The following ARHGEF11 variants were observed in gnomAD, a reference collection of about 807,000 sequenced individuals.
ARHGEF11 encodes the protein Rho guanine nucleotide exchange factor 11, also known as Rho guanine exchange factor (GEF) 11.
A neutral mutation model predicts 193.7 loss-of-function variants in ARHGEF11; 55 were observed. The ratio of observed to expected loss-of-function variants is 0.28; its 90% confidence interval spans 0.23 to 0.36. The LOEUF (loss-of-function observed/expected upper bound fraction) is 0.36. Among genes scored for constraint, ARHGEF11 ranks in the 10% least tolerant of loss-of-function variants. ARHGEF11 has a pLI of 1.00. For missense variants in ARHGEF11, 1,723 were observed against 2,005.6 expected, an observed-to-expected ratio of 0.86 and a Z score of 2.69; for synonymous variants, 693 against 768.0, an observed-to-expected ratio of 0.90 and a Z score of 1.62.
At chr1:156,969,694 CA>C (rs1662247987) in intron 9 of ARHGEF11, among the ~76,000 whole-genome samples, 1 of 152,234 alleles carries the variant, frequency 6.6e-6, no homozygotes, top group Non-Finnish European at 1.5e-5. Flanking sequence ...TTTCTTCTTA[CA>C]ACAAATATTT....
Position 156,979,362 on chromosome 1 carries a change from T to TTC in ARHGEF11, c.274-77_274-76insGA. 1.9e-5 allele frequency: 3 copies of TTC among 154,782 alleles called. No homozygotes were observed. The Admixed American group carries it at 4.7e-4, about 24-fold the overall frequency. The allele number at this position is 154,782 out of a possible 1,614,324, so 9.6% of individuals were successfully genotyped here. A position where few individuals can be genotyped will look rare whatever the true frequency, so the allele number is the denominator to read the frequency against. ...TCCTTCTGTAAGTTCAAAATGCCAC[T>TTC]TTTTTTTTTTTTTTTTTTTTTGAGA... On this transcript the variant is annotated intron_variant, in intron 4 of 40. Coordinates refer to ENST00000368194, the MANE Select transcript of ARHGEF11 (RefSeq NM_198236.3).
At chr1:157,002,134 T>C (rs1667285042) in intron 1 of ARHGEF11, among the ~76,000 whole-genome samples, 1 of 151,990 alleles carries the variant, frequency 6.6e-6, no homozygotes. Context: ...CCTAGACACA[T>C]ATAATGATTC....
chr1:156,962,643 C>G (rs1029231369), intron 13 of ARHGEF11, among the ~76,000 whole-genome samples: 3 of 151,972 alleles, frequency 2.0e-5, no homozygotes, highest in African/African-American at 4.8e-5. Flanking sequence ...CTTTGGGAGG[C>G]TGAGGTGGGT....
intron 10 of ARHGEF11, 43 bp from the exon 11 acceptor site, chr1:156,968,167 A>G (rs1661976575): frequency 6.3e-7 from 1 of 1,579,878 alleles, no homozygotes; most frequent in Non-Finnish European, 8.6e-7. Context: ...CTTGTCCGGA[A>G]GACCCTCAAG....
At chr1:156,997,798 T>C (rs1419620547) in intron 1 of ARHGEF11, among the ~76,000 whole-genome samples, 3 of 152,092 alleles carry the variant, frequency 2.0e-5, no homozygotes, top group East Asian at 1.9e-4. Context: ...TTAGAGTATT[T>C]TGAATATATT....
intron 7 of ARHGEF11, among the ~76,000 whole-genome samples, chr1:156,976,151 C>G (rs1270274677): frequency 1.3e-5 from 2 of 152,146 alleles, no homozygotes; most frequent in African/African-American, 4.8e-5. Flanking sequence ...TAGCATATAG[C>G]AAGGACTCAG....
intron 31 of ARHGEF11, 27 bp downstream of exon 31, chr1:156,944,331 G>T: frequency 6.2e-7 from 1 of 1,611,994 alleles, no homozygotes; most frequent in Non-Finnish European, 8.5e-7. Context: ...ACAGGTTCCT[G>T]CTCAGTCCCA....
At position 156,985,969 on chromosome 1, in the gene ARHGEF11, A is replaced by C. The variant is rs558004724; in HGVS notation, c.124+113T>G. ...ACCTGACTGGCATAGCACACTACAG[A>C]CCAGAGCTCTTCGGCTCAAGCGATC... is the stretch of plus-strand genomic sequence containing the variant. On this transcript the variant is annotated intron_variant, in intron 2 of 40. Coordinates refer to ENST00000368194, the MANE Select transcript of ARHGEF11 (RefSeq NM_198236.3). 34 of 830,918 alleles carry C rather than the reference A, an allele frequency of 4.1e-5. No individual in the cohort carries two copies. In the South Asian group the frequency reaches 4.9e-4, roughly 12 times the overall value. 51.5% of individuals were successfully genotyped at this position (830,918 alleles called of 1,614,324 possible). A position where few individuals can be genotyped will look rare whatever the true frequency, so the allele number is the denominator to read the frequency against.
Position 157,035,793 on chromosome 1 carries a change from A to AAT in ARHGEF11, c.32+8504_32+8505dup, listed in dbSNP as rs199990098. Among the ~76,000 whole-genome samples, 4 of 124,152 alleles carry AAT rather than the reference A, an allele frequency of 3.2e-5. No homozygotes were observed. The South Asian group carries it at 7.5e-4, about 23-fold the overall frequency. The allele number at this position is 124,152 out of a possible 152,430, so 81.4% of individuals were successfully genotyped here. ...ATATACAGGAATATATATATATAGG[A>AAT]ATATATATACAGGAATATATATATA... On this transcript the variant is annotated intron_variant, in intron 1 of 40. Coordinates refer to ENST00000368194, the MANE Select transcript of ARHGEF11 (RefSeq NM_198236.3).
intron 14 of ARHGEF11, among the ~76,000 whole-genome samples, chr1:156,960,884 T>C (rs1000041297): frequency 4.6e-5 from 7 of 152,200 alleles, no homozygotes; most frequent in Non-Finnish European, 1.0e-4. Context: ...GCAGTTAGCA[T>C]GGTGTTCTGG....
In ARHGEF11 at chr1:156,978,188, C is replaced by T. The variant is rs750262592; in HGVS notation, c.510+16G>A. ...AGGACATTAGGGTGAGGAAAGAAAG[C>T]CAGGAGGATTATTACCTGCAGAGGT... On this transcript the variant is annotated intron_variant, in intron 6 of 40. Coordinates refer to ENST00000368194, the MANE Select transcript of ARHGEF11 (RefSeq NM_198236.3). The T allele has an allele frequency of 6.2e-7, 1 of 1,614,040 alleles. No individual in the cohort carries two copies. The highest frequency in any genetic ancestry group is 8.5e-7 in the Non-Finnish European group (1 of 1,179,956).
At position 156,944,458 on chromosome 1, in the gene ARHGEF11, AT is replaced by A. The variant is rs776765236; in HGVS notation, c.2992-26del. 193 of 1,560,902 alleles carry A rather than the reference AT, an allele frequency of 1.2e-4. No homozygotes were observed. In the Middle Eastern group the frequency reaches 1.7e-3, roughly 14 times the overall value. On this transcript the variant is annotated intron_variant, in intron 30 of 40. Transcript: ENST00000368194. ...TCTGTTAAGGAGACACCATTCATTC[AT>A]TCATTCATTCATTCATTCATTCAAG...
At chr1:156,946,590 G>C in intron 28 of ARHGEF11, 72 bp downstream of exon 28, 1 of 1,605,800 alleles carries the variant, frequency 6.2e-7, no homozygotes, top group Non-Finnish European at 8.5e-7. Flanking sequence ...TGGCCAGAAG[G>C]AGAGAAGTTC....
chr1:156,965,667 C>A (rs1226621165), intron 11 of ARHGEF11, among the ~76,000 whole-genome samples: 1 of 152,090 alleles, frequency 6.6e-6, no homozygotes, highest in African/African-American at 2.4e-5. Flanking sequence ...TTTTTAAATT[C>A]TATTTTTTGT....
At chr1:156,951,195 T>C (rs1185254248) in intron 22 of ARHGEF11, among the ~76,000 whole-genome samples, 3 of 152,190 alleles carry the variant, frequency 2.0e-5, no homozygotes, top group Admixed American at 2.0e-4. Flanking sequence ...GCCTGGGTCT[T>C]TTTTCCCCAG....
At chr1:157,022,498 T>C (rs932987707) in intron 1 of ARHGEF11, among the ~76,000 whole-genome samples, 3 of 152,144 alleles carry the variant, frequency 2.0e-5, no homozygotes, top group Non-Finnish European at 4.4e-5. Flanking sequence ...CACTGAAAAC[T>C]AAAAACCATC....
chr1:156,962,864 G>A (rs1661125975), intron 13 of ARHGEF11, among the ~76,000 whole-genome samples: 1 of 132,914 alleles, frequency 7.5e-6, no homozygotes, highest in African/African-American at 3.0e-5. Context: ...CGGCGACAGT[G>A]CGAGACTCCG....
chr1:157,017,279 A>G (rs1179302094), intron 1 of ARHGEF11, among the ~76,000 whole-genome samples: 2 of 152,200 alleles, frequency 1.3e-5, no homozygotes, highest in East Asian at 3.8e-4. Context: ...AATTCCCAGC[A>G]CACTCTGTAT....
Position 157,044,326 on chromosome 1 carries a change from C to G in ARHGEF11, c.5G>C (p.Ser2Thr). 1 of 1,613,812 alleles carries G rather than the reference C, an allele frequency of 6.2e-7. No individual in the cohort carries two copies. Among genetic ancestry groups the G allele is most frequent in the Non-Finnish European group, 8.5e-7 (1 of 1,179,930 alleles). The change falls in exon 1 of 41, where the codon AGT (serine) becomes ACT (threonine). Residue 2 changes from serine (S) to threonine (T), a missense_variant. By Grantham distance (58) the Ser-to-Thr change is moderately conservative. This residue lies in a region of ARHGEF11 where 646 missense variants were observed against 710.7 expected (regional missense o/e 0.91). Transcript: ENST00000368194. MSVRLPQSIDRL... is the reference protein window; with the variant it reads MTVRLPQSIDRL... ...GTCTATACTCTGGGGTAACCTTACACTCATGGTTTCTCGGTGTCTCCACGG... is the reference window on the plus strand; with the variant it reads ...GTCTATACTCTGGGGTAACCTTACAGTCATGGTTTCTCGGTGTCTCCACGG...
Sources: gnomAD v4.1 joint callset for allele counts (sites outside exome capture counted in the v4.1 genomes callset) on GRCh38, gnomAD v4.1.1 for gene constraint, gnomAD v4.1.1 regional missense constraint, MANE v1.5 for transcripts, NCBI Gene and HGNC (gene_info 2026-07-23, HGNC 2026-07-21) for gene names.